The following TENM3 variants were observed in gnomAD, a reference collection of about 807,000 sequenced individuals.
TENM3 encodes the protein teneurin-3.
A neutral mutation model predicts 255.1 loss-of-function variants in TENM3; 63 were observed. The observed-to-expected ratio is 0.25, with a 90% CI of 0.20 to 0.30. The LOEUF is 0.30. Ranked by LOEUF, TENM3 falls within the 10% of genes least tolerant of loss-of-function variation. The pLI is 1.00. For synonymous variants in TENM3, 1,306 were observed against 1,322.3 expected, an observed-to-expected ratio of 0.99 and a Z score of 0.27; for missense variants, 2,929 against 3,461.1, an observed-to-expected ratio of 0.85 and a Z score of 3.86.
At chr4:181,527,220 A>C in the TENM3 span, among the ~76,000 whole-genome samples, 1 of 152,332 alleles carries the variant, frequency 6.6e-6, no homozygotes, top group East Asian at 1.9e-4. Flanking sequence ...TGATTTTGAA[A>C]GTTTTTAACT....
the TENM3 span, among the ~76,000 whole-genome samples, chr4:181,547,161 A>G: frequency 6.6e-6 from 1 of 152,358 alleles, no homozygotes; most frequent in South Asian, 2.1e-4. Context: ...AAATAAAATC[A>G]GAGAAAAGAG....
upstream of TENM3, among the ~76,000 whole-genome samples, chr4:182,140,829 G>C (rs544203855): frequency 7.9e-5 from 12 of 152,338 alleles, no homozygotes; most frequent in African/African-American, 2.9e-4. Context: ...AAAATGGACA[G>C]GTGTCACCTT....
chr4:181,847,883 G>A, the TENM3 span, among the ~76,000 whole-genome samples: 3 of 152,068 alleles, frequency 2.0e-5, no homozygotes, highest in African/African-American at 7.2e-5. Flanking sequence ...TCAAAAAGTT[G>A]TATTCCAGTA....
chr4:181,786,148 T>G, the TENM3 span, among the ~76,000 whole-genome samples: 8 of 152,122 alleles, frequency 5.3e-5, no homozygotes, highest in African/African-American at 1.9e-4. Flanking sequence ...AAAAACAATC[T>G]GATAGTAATT....
chr4:182,134,828 C>T, the TENM3 span, among the ~76,000 whole-genome samples: 4 of 152,162 alleles, frequency 2.6e-5, no homozygotes, highest in South Asian at 4.1e-4. Flanking sequence ...TCTACTGTTT[C>T]ATGGCTTTAT....
chr4:181,832,592 A>G, the TENM3 span, among the ~76,000 whole-genome samples: 5 of 152,220 alleles, frequency 3.3e-5, no homozygotes, highest in African/African-American at 1.2e-4. Flanking sequence ...ATGGCTAGGA[A>G]GTATCTACCG....
chr4:181,454,671 C>T, the TENM3 span, among the ~76,000 whole-genome samples: 1 of 151,264 alleles, frequency 6.6e-6, no homozygotes, highest in East Asian at 2.0e-4. Context: ...GTTTTTTATA[C>T]CATTTTTATA....
chr4:182,092,427 T>G, the TENM3 span, among the ~76,000 whole-genome samples: 5 of 152,128 alleles, frequency 3.3e-5, no homozygotes, highest in African/African-American at 1.2e-4. Context: ...GTGGGGGGAT[T>G]GCTTGAGCCT....
the TENM3 span, among the ~76,000 whole-genome samples, chr4:182,100,784 CACATATATAT>C: frequency 3.8e-4 from 4 of 10,518 alleles, 2 homozygotes; most frequent in Non-Finnish European, 8.2e-4. Flanking sequence ...CATATATATA[CACATATATAT>C]ACACATATAT....
At chr4:181,550,680 G>A in the TENM3 span, among the ~76,000 whole-genome samples, 8 of 152,244 alleles carry the variant, frequency 5.3e-5, no homozygotes, top group Admixed American at 1.3e-4. Flanking sequence ...TTGAAAGATA[G>A]CCTAGAGTCT....
the TENM3 span, among the ~76,000 whole-genome samples, chr4:181,953,263 AC>A: frequency 6.7e-6 from 1 of 148,594 alleles, no homozygotes; most frequent in East Asian, 1.9e-4. Context: ...GGCCACCACC[AC>A]CACCACCACC....
chr4:182,205,423 G>A (rs2149851721), intron 1 of TENM3, among the ~76,000 whole-genome samples: 2 of 152,316 alleles, frequency 1.3e-5, no homozygotes, highest in African/African-American at 4.8e-5. Flanking sequence ...CCTCTCCCAT[G>A]TGCCTCTGAC....
intron 6 of TENM3, among the ~76,000 whole-genome samples, chr4:182,658,736 T>G (rs1399185434): frequency 6.6e-6 from 1 of 152,228 alleles, no homozygotes; most frequent in Non-Finnish European, 1.5e-5. Context: ...CTTAGGACAC[T>G]GCGATTGCTT....
chr4:182,382,086 T>C (rs745499481), intron 3 of TENM3, among the ~76,000 whole-genome samples: 1 of 152,200 alleles, frequency 6.6e-6, no homozygotes, highest in Non-Finnish European at 1.5e-5. Context: ...TATGGTAGTT[T>C]GTAAATATGT....
intron 12 of TENM3, 93 bp downstream of exon 12, chr4:182,688,444 T>C: frequency 9.8e-7 from 1 of 1,022,816 alleles, no homozygotes. Flanking sequence ...CCTATTTCTT[T>C]ACGTTATTTT....
the TENM3 span, among the ~76,000 whole-genome samples, chr4:182,137,221 G>A: frequency 1.3e-5 from 2 of 152,050 alleles, no homozygotes; most frequent in African/African-American, 4.8e-5. Context: ...ACTTTTAAAT[G>A]GACCCCTTCT....
At chr4:182,359,396 C>A (rs1256306053) in intron 3 of TENM3, among the ~76,000 whole-genome samples, 5 of 151,036 alleles carry the variant, frequency 3.3e-5, no homozygotes, top group Admixed American at 6.6e-5. Context: ...ACAATTTCAG[C>A]TCCTGTTATT....
At chr4:181,620,612 C>T in the TENM3 span, among the ~76,000 whole-genome samples, 6 of 146,966 alleles carry the variant, frequency 4.1e-5, no homozygotes, top group Non-Finnish European at 7.4e-5. Context: ...AGACTCCTGA[C>T]ATTTGGCAGG....
At chr4:181,954,654 C>T in the TENM3 span, among the ~76,000 whole-genome samples, 1 of 152,066 alleles carries the variant, frequency 6.6e-6, no homozygotes, top group Non-Finnish European at 1.5e-5. Context: ...TATTCTGATT[C>T]TAGATCTTGG....
Sources: gnomAD v4.1 joint callset for allele counts (sites outside exome capture counted in the v4.1 genomes callset) on GRCh38, gnomAD v4.1.1 for gene constraint, MANE v1.5 for transcripts, NCBI Gene and HGNC (gene_info 2026-07-23, HGNC 2026-07-21) for gene names.